Variants in TRAPPC9 observed in about 807,000 individuals in gnomAD.
The protein encoded by TRAPPC9 is IKK2 binding protein.
A neutral mutation model predicts 124.0 loss-of-function variants in TRAPPC9; 83 were observed. The ratio of observed to expected loss-of-function variants is 0.67; its 90% CI spans 0.56 to 0.80. The LOEUF (loss-of-function observed/expected upper bound fraction) is 0.80, where lower values mean the gene tolerates loss of function less well. Among genes scored for constraint, TRAPPC9 ranks in the 30% least tolerant of loss-of-function variants. The pLI is 0.00. For synonymous variants in TRAPPC9, 638 were observed against 617.5 expected (o/e 1.03, Z -0.49); for missense variants, 1,302 against 1,508.3 (o/e 0.86, Z 2.27).
At chr8:140,266,285 G>A (rs931076669) in intron 15 of TRAPPC9, among the ~76,000 whole-genome samples, 1 of 151,860 alleles carries the variant, frequency 6.6e-6, no homozygotes, top group Non-Finnish European at 1.5e-5. Context: ...GTGAAACTCT[G>A]CCTCTACTAA....
At chr8:139,955,174 G>A (rs1176030486) in intron 19 of TRAPPC9, among the ~76,000 whole-genome samples, 1 of 152,106 alleles carries the variant, frequency 6.6e-6, no homozygotes, top group Non-Finnish European at 1.5e-5. Flanking sequence ...AGCTGCACCA[G>A]CCATCGGCAC....
chr8:140,394,065 G>A (rs1380088209), intron 7 of TRAPPC9, among the ~76,000 whole-genome samples: 1 of 152,176 alleles, frequency 6.6e-6, no homozygotes, highest in Non-Finnish European at 1.5e-5. Context: ...CTGCTCCAAA[G>A]AACAAAATGT....
intron 16 of TRAPPC9, among the ~76,000 whole-genome samples, chr8:140,233,652 T>C (rs867823569): frequency 0.018 from 472 of 26,854 alleles, 4 homozygotes; most frequent in African/African-American, 0.043. Context: ...CACACACACA[T>C]AAACACACCC....
At chr8:139,977,493 C>T (rs1267809919) in intron 19 of TRAPPC9, among the ~76,000 whole-genome samples, 1 of 151,626 alleles carries the variant, frequency 6.6e-6, no homozygotes, top group African/African-American at 2.4e-5. Context: ...TGGCGGGCGC[C>T]TGTAGTCCCA....
In TRAPPC9 at chr8:139,918,751, T is replaced by G. The variant is rs534874755; in HGVS notation, c.2811-8451A>C. 3.9e-5 allele frequency among the ~76,000 whole-genome samples: 6 copies of G among 152,220 alleles called. 1 individual carries two copies. The highest frequency in any genetic ancestry group is 6.5e-5 in the Admixed American group (1 of 15,282). On this transcript the variant is annotated intron_variant, in intron 19 of 22. Transcript: ENST00000438773. ...TTAGGACCTTTAAGTATTGTTTTCT[T>G]CAGCGCAGAAAATAGTGCTTAATAA... is the stretch of plus-strand genomic sequence containing the variant.
chr8:139,976,778 G>A (rs901670719), intron 19 of TRAPPC9, among the ~76,000 whole-genome samples: 3 of 152,226 alleles, frequency 2.0e-5, no homozygotes, highest in East Asian at 1.9e-4. Flanking sequence ...GGTGCCCTTC[G>A]CCTTCTGCGG....
intron 7 of TRAPPC9, among the ~76,000 whole-genome samples, chr8:140,378,950 T>TG (rs1159247938): frequency 6.6e-6 from 1 of 152,118 alleles, no homozygotes; most frequent in Non-Finnish European, 1.5e-5. Flanking sequence ...GGGATGGGGA[T>TG]GGGGGGATTT....
chr8:139,992,573 T>C (rs1837713678), intron 18 of TRAPPC9, among the ~76,000 whole-genome samples: 1 of 151,410 alleles, frequency 6.6e-6, no homozygotes, highest in Non-Finnish European at 1.5e-5. Flanking sequence ...ATAAACTCAA[T>C]GCAACTCAAT....
At chr8:140,101,050 C>G (rs1278578825) in intron 17 of TRAPPC9, among the ~76,000 whole-genome samples, 5 of 152,222 alleles carry the variant, frequency 3.3e-5, no homozygotes, top group African/African-American at 1.2e-4. Context: ...ACATAGAGTG[C>G]TATTTGAACC....
intron 1 of TRAPPC9, chr8:140,456,729 T>A: frequency 3.2e-6 from 3 of 924,754 alleles, no homozygotes; most frequent in Non-Finnish European, 3.9e-6. Context: ...ATGACTACCT[T>A]AGAAACACGG....
chr8:139,855,541 G>A (rs1011218173), intron 21 of TRAPPC9, among the ~76,000 whole-genome samples: 6 of 152,212 alleles, frequency 3.9e-5, no homozygotes, highest in African/African-American at 1.4e-4. Context: ...CTTACACGAC[G>A]CGTCATCTCG....
At chr8:139,832,043 C>T (rs967100233) in intron 21 of TRAPPC9, among the ~76,000 whole-genome samples, 7 of 152,310 alleles carry the variant, frequency 4.6e-5, no homozygotes, top group Non-Finnish European at 8.8e-5. Context: ...GTGCTCATAG[C>T]GAGCACCTAC....
At chr8:139,938,119 T>C (rs929521796) in intron 19 of TRAPPC9, among the ~76,000 whole-genome samples, 1 of 152,198 alleles carries the variant, frequency 6.6e-6, no homozygotes, top group African/African-American at 2.4e-5. Context: ...GGATAAGAAA[T>C]ACATTCCTGC....
chr8:139,841,918 C>T (rs1021572015), intron 21 of TRAPPC9, among the ~76,000 whole-genome samples: 3 of 152,210 alleles, frequency 2.0e-5, no homozygotes, highest in Non-Finnish European at 4.4e-5. Flanking sequence ...TCCAGGTTTA[C>T]TAGACAGGGC....
At chr8:140,085,792 G>T (rs572574862) in intron 17 of TRAPPC9, among the ~76,000 whole-genome samples, 2 of 152,186 alleles carry the variant, frequency 1.3e-5, no homozygotes, top group African/African-American at 4.8e-5. Context: ...GATCTGGCGC[G>T]TTCCACATGG....
chr8:140,275,908 C>T, intron 14 of TRAPPC9, 87 bp from the exon 15 acceptor site: 1 of 1,062,416 alleles, frequency 9.4e-7, no homozygotes, highest in Non-Finnish European at 1.4e-6. Flanking sequence ...GAAGAATCAC[C>T]ATACTCATGC....
chr8:139,846,538 G>A (rs1452200201), intron 21 of TRAPPC9, among the ~76,000 whole-genome samples: 2 of 152,188 alleles, frequency 1.3e-5, no homozygotes, highest in Non-Finnish European at 2.9e-5. Flanking sequence ...AATGAAGATG[G>A]ATATTTACAA....
At chr8:139,979,369 G>C (rs1027250518) in intron 19 of TRAPPC9, among the ~76,000 whole-genome samples, 1 of 152,200 alleles carries the variant, frequency 6.6e-6, no homozygotes, top group Non-Finnish European at 1.5e-5. Flanking sequence ...CAAGCCAAAC[G>C]TCTCTAGCCC....
rs975635232 is a variant in TRAPPC9, at chr8:140,020,625, C to CA, written c.2699+3311dup. Reference sequence around the variant, plus strand: ...TGGACAATGGAGTGAGATTCTATCTCAAAAAAAAAAATACACATGTACACA... The same window carrying CA: ...TGGACAATGGAGTGAGATTCTATCTCAAAAAAAAAAAATACACATGTACACA... On this transcript the variant is annotated intron_variant, in intron 18 of 22. Coordinates refer to ENST00000438773, the MANE Select transcript of TRAPPC9 (RefSeq NM_001160372.4). Among the ~76,000 whole-genome samples the CA allele has an allele frequency of 6.9e-4, 99 of 142,854 alleles. No individual in the cohort carries two copies. The East Asian group carries it at 7.0e-3, about 10-fold the overall frequency. 93.7% of individuals were successfully genotyped at this position (142,854 alleles called of 152,430 possible). A position where few individuals can be genotyped will look rare whatever the true frequency, so the allele number is the denominator to read the frequency against.
Sources: allele counts gnomAD v4.1 joint callset (sites outside exome capture counted in the v4.1 genomes callset), GRCh38; gene constraint gnomAD v4.1.1; transcripts MANE v1.5; gene names NCBI Gene and HGNC (gene_info 2026-07-23, HGNC 2026-07-21).